The following GABPB1 variants were observed in gnomAD, a reference collection of about 807,000 sequenced individuals.
The protein encoded by GABPB1 is GA binding protein transcription factor subunit beta 1, also known as GA-binding protein subunit beta-1.
GABPB1 carries 15 observed loss-of-function variants against 45.9 expected under a neutral mutation model. That is an observed-to-expected ratio of 0.33 (90% CI 0.22 to 0.50). The LOEUF (loss-of-function observed/expected upper bound fraction) is 0.50. GABPB1 is among the 20% of genes least tolerant of loss of function. GABPB1 has a pLI of 0.98. For missense variants in GABPB1, 252 were observed against 457.5 expected (o/e 0.55, Z 4.10); for synonymous variants, 143 against 154.4 (o/e 0.93, Z 0.55).
chr15:50,306,567 C>CAG (rs2141038915), intron 2 of GABPB1, among the ~76,000 whole-genome samples: 1 of 148,620 alleles, frequency 6.7e-6, no homozygotes, highest in African/African-American at 2.5e-5. Context: ...GCAGAGGCTT[C>CAG]AGTGAGCCAA....
intron 1 of GABPB1, chr15:50,353,831 C>G (rs2141202011): frequency 6.5e-6 from 1 of 153,200 alleles, no homozygotes; most frequent in East Asian, 1.9e-4. Flanking sequence ...CATTTACAGA[C>G]TACATCAAAC....
chr15:50,340,952 AATATTAC>A (rs11277223), intron 1 of GABPB1, among the ~76,000 whole-genome samples: 10,220 of 36,568 alleles, frequency 0.28, 2,362 homozygotes, highest in African/African-American at 0.48. Flanking sequence ...TACCATATGT[AATATTAC>A]ATATTACATA....
chr15:50,294,647 T>G (rs1285913897), intron 6 of GABPB1, among the ~76,000 whole-genome samples: 4 of 152,190 alleles, frequency 2.6e-5, no homozygotes, highest in African/African-American at 9.6e-5. Flanking sequence ...AACAACCTCA[T>G]GAGGCCCCAT....
At chr15:50,279,802 A>G (rs1040722313) in intron 8 of GABPB1, among the ~76,000 whole-genome samples, 14 of 152,334 alleles carry the variant, frequency 9.2e-5, no homozygotes, top group Admixed American at 7.2e-4. Context: ...CAAGAATGAT[A>G]GGTCCACAGT....
At chr15:50,303,746 A>C (rs2046842359) in intron 3 of GABPB1, among the ~76,000 whole-genome samples, 1 of 152,070 alleles carries the variant, frequency 6.6e-6, no homozygotes, top group African/African-American at 2.4e-5. Flanking sequence ...AAGGTCCAAG[A>C]AATCAATTAG....
intron 1 of GABPB1, among the ~76,000 whole-genome samples, chr15:50,323,102 G>A (rs2047632386): frequency 6.6e-6 from 1 of 152,170 alleles, no homozygotes; most frequent in South Asian, 2.1e-4. Context: ...TGGGCACAGT[G>A]GTGTGCACCT....
intron 6 of GABPB1, 51 bp from the exon 7 acceptor site, chr15:50,289,719 GA>G (rs1250221471): frequency 7.0e-7 from 1 of 1,419,928 alleles, no homozygotes; most frequent in Non-Finnish European, 9.5e-7. Flanking sequence ...GGTATGAATA[GA>G]AACCTATTTT....
At chr15:50,303,700 G>C (rs895573365) in intron 3 of GABPB1, among the ~76,000 whole-genome samples, 9 of 145,824 alleles carry the variant, frequency 6.2e-5, no homozygotes, top group South Asian at 2.2e-4. Context: ...AAAACAAAAA[G>C]AAAAAATGCT....
intron 7 of GABPB1, among the ~76,000 whole-genome samples, chr15:50,288,254 T>C (rs1285945953): frequency 1.3e-5 from 2 of 152,138 alleles, no homozygotes; most frequent in Non-Finnish European, 2.9e-5. Flanking sequence ...ATGAGTATCA[T>C]TGTGTTGCTA....
intron 1 of GABPB1, among the ~76,000 whole-genome samples, chr15:50,340,547 CAA>C (rs397853899): frequency 0.025 from 2,739 of 110,560 alleles, 45 homozygotes; most frequent in African/African-American, 0.059. Flanking sequence ...CTATAATCAC[CAA>C]AAAAAAAAAA....
chr15:50,296,005 G>T (rs1038923341), intron 6 of GABPB1, among the ~76,000 whole-genome samples: 7 of 152,092 alleles, frequency 4.6e-5, no homozygotes, highest in African/African-American at 1.2e-4. Flanking sequence ...TGGTACTAAC[G>T]TCATTTCCAT....
At chr15:50,344,948 A>G (rs1213996650) in intron 1 of GABPB1, among the ~76,000 whole-genome samples, 2 of 152,218 alleles carry the variant, frequency 1.3e-5, no homozygotes, top group African/African-American at 4.8e-5. Flanking sequence ...TGAGAGGCTG[A>G]ATAATAATAA....
chr15:50,278,761 C>T lies in GABPB1; in HGVS notation c.1023G>A (p.Gln341=). The change falls in exon 9 of 9, where the codon CAG becomes CAA. Residue 341 remains glutamine, a synonymous_variant. Transcript: ENST00000380877. ...EIEEREALQK[Q]LDEANREAQK... is the part of the protein sequence containing the mutation. ...GTGCTTCTCGATTTGCTTCATCCAG[C>T]TGTTTCTGAAGAGCTTCTCTCTCCT... is the stretch of plus-strand genomic sequence containing the variant. 6.2e-7 allele frequency: 1 copy of T among 1,611,072 alleles called. No homozygotes were observed. The highest frequency in any genetic ancestry group is 8.5e-7 in the Non-Finnish European group (1 of 1,178,930).
intron 1 of GABPB1, among the ~76,000 whole-genome samples, chr15:50,347,010 G>A (rs2048613949): frequency 6.6e-6 from 1 of 151,906 alleles, no homozygotes; most frequent in Non-Finnish European, 1.5e-5. Flanking sequence ...AACTGGTCTT[G>A]TACTCCTGAC....
At chr15:50,318,358 A>G (rs1397834645) in intron 1 of GABPB1, among the ~76,000 whole-genome samples, 1 of 152,172 alleles carries the variant, frequency 6.6e-6, no homozygotes, top group Non-Finnish European at 1.5e-5. Context: ...AAATCATCAC[A>G]TGAACTCTGG....
At chr15:50,292,562 C>G (rs1203634233) in intron 6 of GABPB1, among the ~76,000 whole-genome samples, 1 of 152,072 alleles carries the variant, frequency 6.6e-6, no homozygotes, top group Admixed American at 6.6e-5. Flanking sequence ...TATTATGAGC[C>G]TCCTTACGTG....
At chr15:50,310,570 A>C (rs554066553) in intron 1 of GABPB1, among the ~76,000 whole-genome samples, 6 of 152,360 alleles carry the variant, frequency 3.9e-5, no homozygotes, top group African/African-American at 1.4e-4. Context: ...ATTTTAAAAA[A>C]CAAATTTTCT....
At chr15:50,313,976 A>C (rs2047220385) in intron 1 of GABPB1, among the ~76,000 whole-genome samples, 1 of 152,170 alleles carries the variant, frequency 6.6e-6, no homozygotes, top group Non-Finnish European at 1.5e-5. Flanking sequence ...AAAATGTATA[A>C]TGTTGGGAAC....
intron 1 of GABPB1, among the ~76,000 whole-genome samples, chr15:50,339,979 G>C (rs963951111): frequency 6.6e-6 from 1 of 152,118 alleles, no homozygotes; most frequent in African/African-American, 2.4e-5. Flanking sequence ...CTCAATGTTT[G>C]TGTCCCCACA....
Sources: allele counts gnomAD v4.1 joint callset (sites outside exome capture counted in the v4.1 genomes callset), GRCh38; gene constraint gnomAD v4.1.1; transcripts MANE v1.5; gene names NCBI Gene and HGNC (gene_info 2026-07-23, HGNC 2026-07-21).